DLG2: variants seen among roughly 807,000 people sequenced by gnomAD.
The protein encoded by DLG2 is discs large MAGUK scaffold protein 2, also known as disks large homolog 2.
Under a neutral mutation model 132.5 loss-of-function variants are expected in DLG2, and 45 were observed. The observed-to-expected ratio is 0.34, with a 90% CI of 0.27 to 0.44. The LOEUF (loss-of-function observed/expected upper bound fraction) is 0.44. Ranked by LOEUF, DLG2 falls within the 20% of genes least tolerant of loss-of-function variation. The pLI, the probability that DLG2 is intolerant of heterozygous loss-of-function variation, is 1.00. For synonymous variants in DLG2, 424 were observed against 419.6 expected, an observed-to-expected ratio of 1.01 and a Z score of -0.13; for missense variants, 1,045 against 1,196.9, an observed-to-expected ratio of 0.87 and a Z score of 1.87.
chr11:84,888,215 C>T (rs911879419), intron 6 of DLG2, among the ~76,000 whole-genome samples: 5 of 151,984 alleles, frequency 3.3e-5, no homozygotes, highest in Non-Finnish European at 7.4e-5. Context: ...GAGGGTGTTT[C>T]GGAGTAAATT....
At chr11:83,627,662 C>T (rs555390274) in intron 19 of DLG2, among the ~76,000 whole-genome samples, 87 of 152,156 alleles carry the variant, frequency 5.7e-4, no homozygotes, top group African/African-American at 1.8e-3. Flanking sequence ...TGAATAGTGC[C>T]GCAATAAACA....
chr11:84,024,908 C>G (rs1000616942), intron 11 of DLG2, among the ~76,000 whole-genome samples: 1 of 151,432 alleles, frequency 6.6e-6, no homozygotes, highest in Non-Finnish European at 1.5e-5. Context: ...AATGTTCTCA[C>G]CACAAGGCAT....
At chr11:84,220,908 G>A (rs1162376624) in intron 8 of DLG2, among the ~76,000 whole-genome samples, 1 of 142,332 alleles carries the variant, frequency 7.0e-6, no homozygotes, top group East Asian at 2.2e-4. Context: ...AGTCTCCTAA[G>A]TAGCTGGGAC....
intron 8 of DLG2, among the ~76,000 whole-genome samples, chr11:84,204,538 C>CA (rs1566922651): frequency 2.0e-5 from 3 of 150,934 alleles, no homozygotes; most frequent in Admixed American, 6.6e-5. Flanking sequence ...ATCAAAGAAA[C>CA]AAAAAAACAG....
chr11:85,319,968 A>T (rs1408954394), intron 3 of DLG2, among the ~76,000 whole-genome samples: 1 of 151,840 alleles, frequency 6.6e-6, no homozygotes, highest in Admixed American at 6.6e-5. Context: ...TTGGGTACTC[A>T]ATCATGTTTC....
In DLG2 at chr11:85,502,387, G is replaced by A. The variant is rs190384341; in HGVS notation, c.40+96270C>T. ...GTATACCTGTGTAACAAAACTGCACGTTCTGCACATGTAACCCAGAACTTA... is the reference window on the plus strand; with the variant it reads ...GTATACCTGTGTAACAAAACTGCACATTCTGCACATGTAACCCAGAACTTA... On this transcript the variant is annotated intron_variant, in intron 3 of 27. Transcript: ENST00000376104. Among the ~76,000 whole-genome samples the A allele has an allele frequency of 1.3e-4, 20 of 150,914 alleles. No individual in the cohort carries two copies. The East Asian group carries it at 1.4e-3, about 10-fold the overall frequency.
intron 6 of DLG2, among the ~76,000 whole-genome samples, chr11:84,728,797 C>A (rs1034561508): frequency 2.6e-5 from 4 of 152,124 alleles, no homozygotes; most frequent in African/African-American, 7.2e-5. Context: ...AGGGATTCAA[C>A]TTCTTCCTGG....
At chr11:85,212,456 A>G (rs187218000) in intron 4 of DLG2, among the ~76,000 whole-genome samples, 23 of 152,232 alleles carry the variant, frequency 1.5e-4, no homozygotes, top group Admixed American at 1.5e-3. Context: ...TGTCTTTTCC[A>G]TCACAACTGA....
At chr11:84,158,335 T>A (rs1156764944) in intron 9 of DLG2, among the ~76,000 whole-genome samples, 1 of 152,182 alleles carries the variant, frequency 6.6e-6, no homozygotes, top group East Asian at 1.9e-4. Context: ...AGGGCTGGGA[T>A]TACAGGCATG....
intron 11 of DLG2, among the ~76,000 whole-genome samples, chr11:83,986,245 T>A (rs917819983): frequency 6.9e-6 from 1 of 143,890 alleles, no homozygotes; most frequent in African/African-American, 2.5e-5. Flanking sequence ...GAGTGTGATG[T>A]TCCCCTTCCT....
rs1463478828 is a variant in DLG2 at position 83,943,633 on chromosome 11, T to C, written c.1341-13150A>G. Among the ~76,000 whole-genome samples, 5 of 152,252 alleles carry C rather than the reference T, an allele frequency of 3.3e-5. No individual in the cohort carries two copies. In the East Asian group the frequency reaches 9.6e-4, roughly 29 times the overall value. ...TACTAACAAGATTCTACTTAAAGTTTAGTCTACTTCGGGGAAATTATGTGC... is the reference window on the plus strand; with the variant it reads ...TACTAACAAGATTCTACTTAAAGTTCAGTCTACTTCGGGGAAATTATGTGC... On this transcript the variant is annotated intron_variant, in intron 14 of 27. Transcript: ENST00000376104.
intron 7 of DLG2, among the ~76,000 whole-genome samples, chr11:84,342,221 T>C (rs2098518296): frequency 6.6e-6 from 1 of 152,140 alleles, no homozygotes; most frequent in Admixed American, 6.5e-5. Context: ...TCACTAACAA[T>C]CAGACTCTAG....
intron 3 of DLG2, among the ~76,000 whole-genome samples, chr11:85,307,430 A>G (rs79298349): frequency 6.6e-6 from 1 of 152,336 alleles, no homozygotes; most frequent in African/African-American, 2.4e-5. Flanking sequence ...TGAAAAAAAA[A>G]TCCTCTTTTA....
chr11:83,523,628 G>A (rs1024653386), intron 21 of DLG2, among the ~76,000 whole-genome samples: 41 of 152,214 alleles, frequency 2.7e-4, no homozygotes, highest in East Asian at 1.9e-4. Flanking sequence ...TTACTGTTAG[G>A]AGCAAATGAG....
intron 11 of DLG2, among the ~76,000 whole-genome samples, chr11:84,047,168 G>C (rs541622974): frequency 6.6e-6 from 1 of 151,568 alleles, no homozygotes; most frequent in East Asian, 1.9e-4. Flanking sequence ...AGATACTTGG[G>C]AAAAAAGCCA....
At chr11:83,905,150 T>C (rs982041744) in intron 15 of DLG2, among the ~76,000 whole-genome samples, 2 of 152,176 alleles carry the variant, frequency 1.3e-5, no homozygotes, top group African/African-American at 4.8e-5. Flanking sequence ...TGGCAAACAT[T>C]GTACTAAGCA....
intron 6 of DLG2, among the ~76,000 whole-genome samples, chr11:84,887,918 A>G (rs1007670704): frequency 1.3e-5 from 2 of 152,132 alleles, no homozygotes; most frequent in African/African-American, 4.8e-5. Context: ...ACAATTACCC[A>G]GCTGCATTTA....
chr11:84,353,745 T>C (rs1196237749), intron 7 of DLG2, among the ~76,000 whole-genome samples: 1 of 152,204 alleles, frequency 6.6e-6, no homozygotes, highest in Non-Finnish European at 1.5e-5. Context: ...TCTGTGTTCT[T>C]CTGTCACCCT....
intron 16 of DLG2, among the ~76,000 whole-genome samples, chr11:83,858,639 AAAG>A (rs2060935293): frequency 6.6e-6 from 1 of 152,140 alleles, no homozygotes; most frequent in South Asian, 2.1e-4. Context: ...GAGTAAATTG[AAAG>A]AAGGACATTA....
Sources: allele counts gnomAD v4.1 joint callset (sites outside exome capture counted in the v4.1 genomes callset), GRCh38; gene constraint gnomAD v4.1.1; transcripts MANE v1.5; gene names NCBI Gene and HGNC (gene_info 2026-07-23, HGNC 2026-07-21).